ANGPT2: variants seen among roughly 807,000 people sequenced by gnomAD.
ANGPT2 encodes angiopoietin-2.
Under a neutral mutation model 62.9 loss-of-function variants are expected in ANGPT2, and 28 were observed. That is an observed-to-expected ratio of 0.44 (90% CI 0.33 to 0.61). ANGPT2 has a LOEUF of 0.61. Ranked by LOEUF, ANGPT2 falls within the 20% of genes least tolerant of loss-of-function variation. The probability of loss-of-function intolerance (pLI) is 0.03; values close to 1 mark genes in which losing one functional copy is unlikely to be tolerated. For synonymous variants in ANGPT2, 284 were observed against 207.8 expected, an observed-to-expected ratio of 1.37 and a Z score of -3.15; for missense variants, 727 against 594.9, an observed-to-expected ratio of 1.22 and a Z score of -2.31.
chr8:6,528,962 C>G (rs2515468), intron 2 of ANGPT2, among the ~76,000 whole-genome samples: 20,999 of 152,200 alleles, frequency 0.14, 2,704 homozygotes, highest in African/African-American at 0.34. Context: ...CTGGAATATA[C>G]ATTTGGCCTA....
intron 4 of ANGPT2, among the ~76,000 whole-genome samples, chr8:6,520,907 C>G (rs1817210399): frequency 6.6e-6 from 1 of 152,126 alleles, no homozygotes; most frequent in African/African-American, 2.4e-5. Context: ...AGTAATTTGC[C>G]CAGTCTCATC....
intron 2 of ANGPT2, among the ~76,000 whole-genome samples, chr8:6,530,766 T>G (rs1247024359): frequency 6.6e-6 from 1 of 152,184 alleles, no homozygotes; most frequent in Non-Finnish European, 1.5e-5. Flanking sequence ...CTGTAAGTCT[T>G]TTGTTAATCT....
rs1203497358 is a variant in ANGPT2, at chr8:6,521,310, G to T, written c.667C>A (p.Gln223Lys). ...TCTAGTTCTTCAATGATGGAATTTT[G>T]CTTGGATACTAACACCTGTAGCTGA... ...KDQLQVLVSK[Q>K]NSIIEELEKK... Residue 223 changes from glutamine (Q) to lysine (K), a missense_variant, in exon 4 of 9, where the codon CAA becomes AAA. By Grantham distance (53) the Gln-to-Lys change is moderately conservative. Coordinates refer to ENST00000629816, the MANE Select transcript of ANGPT2 (RefSeq NM_001118887.2). 3 of 1,613,482 alleles carry T rather than the reference G, an allele frequency of 1.9e-6. No homozygotes were observed. The highest frequency in any genetic ancestry group is 2.2e-5 in the East Asian group (1 of 44,792).
intron 1 of ANGPT2, among the ~76,000 whole-genome samples, chr8:6,533,569 CTTTTTTTTTTT>C (rs56882906): frequency 0.11 from 12,644 of 113,486 alleles, 643 homozygotes; most frequent in African/African-American, 0.17. Context: ...CGTTTAGTTT[CTTTTTTTTTTT>C]TTTTTTTTTT....
At chr8:6,526,126 T>G (rs907386955) in intron 3 of ANGPT2, among the ~76,000 whole-genome samples, 1 of 151,868 alleles carries the variant, frequency 6.6e-6, no homozygotes, top group Non-Finnish European at 1.5e-5. Context: ...TAAGACTATT[T>G]TAAGAAAACG....
intron 7 of ANGPT2, among the ~76,000 whole-genome samples, chr8:6,510,353 G>A (rs1814794422): frequency 6.6e-6 from 1 of 152,126 alleles, no homozygotes; most frequent in African/African-American, 2.4e-5. Flanking sequence ...AGCAAATCCT[G>A]CAATGGTGGC....
At chr8:6,562,195 C>G (rs887547475) in intron 1 of ANGPT2, among the ~76,000 whole-genome samples, 1 of 152,134 alleles carries the variant, frequency 6.6e-6, no homozygotes, top group Non-Finnish European at 1.5e-5. Context: ...TCCGTTATGC[C>G]TCGGTCATCA....
chr8:6,515,892 G>A (rs1308747251), intron 5 of ANGPT2, among the ~76,000 whole-genome samples: 4 of 152,210 alleles, frequency 2.6e-5, no homozygotes, highest in Non-Finnish European at 4.4e-5. Context: ...AGAACCAAGA[G>A]AGTGCTATTC....
chr8:6,543,069 G>A (rs1030999010), intron 1 of ANGPT2, among the ~76,000 whole-genome samples: 2 of 152,058 alleles, frequency 1.3e-5, no homozygotes, highest in Non-Finnish European at 1.5e-5. Context: ...GTGCCCTGCC[G>A]GGTCCCACTG....
chr8:6,555,261 AAT>A (rs1824390041), intron 1 of ANGPT2, among the ~76,000 whole-genome samples: 1 of 152,164 alleles, frequency 6.6e-6, no homozygotes, highest in South Asian at 2.1e-4. Flanking sequence ...TTCAAACTCT[AAT>A]AGTGGGAAGA....
At chr8:6,559,114 G>A (rs1419061235) in intron 1 of ANGPT2, among the ~76,000 whole-genome samples, 2 of 152,116 alleles carry the variant, frequency 1.3e-5, no homozygotes, top group Non-Finnish European at 2.9e-5. Flanking sequence ...GACCACGGGA[G>A]ACCAGTGGCT....
At chr8:6,503,656 C>A (rs978255583) in intron 8 of ANGPT2, among the ~76,000 whole-genome samples, 5 of 152,210 alleles carry the variant, frequency 3.3e-5, no homozygotes, top group African/African-American at 1.2e-4. Flanking sequence ...GTGGGCTGGA[C>A]TCGCTCAGGC....
At chr8:6,529,506 C>T (rs1180783307) in intron 2 of ANGPT2, among the ~76,000 whole-genome samples, 5 of 149,498 alleles carry the variant, frequency 3.3e-5, no homozygotes, top group East Asian at 2.0e-4. Flanking sequence ...GGCTGCAGTG[C>T]GGTGGCACCA....
chr8:6,521,466 A>T, intron 3 of ANGPT2, 56 bp from the exon 4 acceptor site: 1 of 1,223,034 alleles, frequency 8.2e-7, no homozygotes, highest in Non-Finnish European at 1.1e-6. Flanking sequence ...AATATTTTAT[A>T]TTTATTGAAT....
intron 1 of ANGPT2, among the ~76,000 whole-genome samples, chr8:6,541,237 T>C (rs1821504800): frequency 6.6e-6 from 1 of 152,134 alleles, no homozygotes; most frequent in Non-Finnish European, 1.5e-5. Context: ...CAGGGGATGC[T>C]TTGAGGCCCC....
intron 1 of ANGPT2, among the ~76,000 whole-genome samples, chr8:6,549,816 C>T (rs895542212): frequency 6.6e-6 from 1 of 152,122 alleles, no homozygotes; most frequent in Non-Finnish European, 1.5e-5. Context: ...CGCACAGATA[C>T]AAAAATTTAC....
intron 2 of ANGPT2, among the ~76,000 whole-genome samples, chr8:6,529,461 T>A (rs1441915405): frequency 6.6e-6 from 1 of 151,322 alleles, no homozygotes; most frequent in African/African-American, 2.4e-5. Flanking sequence ...TTCTTTTTTT[T>A]TTTTTTTTGA....
At position 6,503,192 on chromosome 8, in the gene ANGPT2, T is replaced by A. The variant is rs748743250; in HGVS notation, c.1397A>T (p.Asn466Ile). 1.2e-6 allele frequency: 2 copies of A among 1,614,112 alleles called. No individual in the cohort carries two copies. The highest frequency in any genetic ancestry group is 1.7e-6 in the Non-Finnish European group (2 of 1,180,050). The stretch of plus-strand genomic sequence containing the variant: ...GTACCATTTAATGCCGTTGAACTTA[T>A]TTGTGTTCTGCCTCTGTGGATAGTA... ...GMYYPQRQNTNKFNGIKWYYW... is the reference protein window; with the variant it reads ...GMYYPQRQNTIKFNGIKWYYW... The change falls in exon 9 of 9, where the codon AAT becomes ATT. Residue 466 changes from asparagine to isoleucine, a missense_variant. Physicochemically the swap from Asn to Ile is moderately radical, Grantham distance 149 (BLOSUM62 -3). Coordinates refer to ENST00000629816, the MANE Select transcript of ANGPT2 (RefSeq NM_001118887.2).
chr8:6,517,617 T>C (rs1412215669), intron 5 of ANGPT2, among the ~76,000 whole-genome samples: 1 of 152,200 alleles, frequency 6.6e-6, no homozygotes, highest in Non-Finnish European at 1.5e-5. Flanking sequence ...CTGGTAGTCT[T>C]TGAAGGCAGT....
Sources: gnomAD v4.1 joint callset for allele counts (sites outside exome capture counted in the v4.1 genomes callset) on GRCh38, gnomAD v4.1.1 for gene constraint, MANE v1.5 for transcripts, NCBI Gene and HGNC (gene_info 2026-07-23, HGNC 2026-07-21) for gene names.